The following TNFRSF10B variants were observed in gnomAD, a reference collection of about 807,000 sequenced individuals.
The protein encoded by TNFRSF10B is TNF receptor superfamily member 10b, also known as tumor necrosis factor receptor superfamily member 10B.
A neutral mutation model predicts 41.4 loss-of-function variants in TNFRSF10B; 35 were observed. That is an observed-to-expected ratio of 0.85 (90% confidence interval 0.65 to 1.12). TNFRSF10B has a LOEUF of 1.12. Among genes scored for constraint, TNFRSF10B ranks in the 50% most tolerant of loss-of-function variants. The pLI is 0.00. For missense variants in TNFRSF10B, 584 were observed against 552.7 expected, an observed-to-expected ratio of 1.06 and a Z score of -0.57; for synonymous variants, 230 against 215.5, an observed-to-expected ratio of 1.07 and a Z score of -0.59.
At chr8:23,032,723 G>A (rs1811917420) in intron 2 of TNFRSF10B, among the ~76,000 whole-genome samples, 1 of 152,134 alleles carries the variant, frequency 6.6e-6, no homozygotes, top group Non-Finnish European at 1.5e-5. Flanking sequence ...AAGTTTTGCA[G>A]TAGCAAAGAA....
intron 1 of TNFRSF10B, among the ~76,000 whole-genome samples, chr8:23,055,983 C>T (rs964176513): frequency 1.3e-5 from 2 of 152,176 alleles, no homozygotes; most frequent in African/African-American, 2.4e-5. Context: ...ATTTCCAGGC[C>T]TTCTCCCTGT....
intron 2 of TNFRSF10B, among the ~76,000 whole-genome samples, chr8:23,036,818 G>A (rs576556578): frequency 7.7e-4 from 118 of 152,322 alleles, no homozygotes; most frequent in East Asian, 2.3e-3. Context: ...ACTCTAGCCC[G>A]GGCAACAATA....
chr8:23,027,392 T>G, intron 6 of TNFRSF10B, 104 bp from the exon 7 acceptor site: 2 of 1,434,592 alleles, frequency 1.4e-6, no homozygotes, highest in Non-Finnish European at 1.9e-6. Flanking sequence ...CCCCACCCCC[T>G]CTCAGTGAGG....
At chr8:23,054,441 C>T (rs1194286472) in intron 1 of TNFRSF10B, among the ~76,000 whole-genome samples, 1 of 152,204 alleles carries the variant, frequency 6.6e-6, no homozygotes, top group Non-Finnish European at 1.5e-5. Context: ...ACCTGATTTT[C>T]TCCAGAATTT....
chr8:23,056,945 C>A (rs771826190), intron 1 of TNFRSF10B, among the ~76,000 whole-genome samples: 23 of 151,798 alleles, frequency 1.5e-4, no homozygotes, highest in Non-Finnish European at 3.4e-4. Context: ...AGTGAGGGTA[C>A]CATCTTCACT....
chr8:23,032,324 G>A (rs1018708677), intron 2 of TNFRSF10B, among the ~76,000 whole-genome samples: 3 of 152,166 alleles, frequency 2.0e-5, no homozygotes, highest in African/African-American at 7.2e-5. Context: ...AATGGGAAAA[G>A]CCTTCAAAAT....
chr8:23,031,673 G>T (rs962784901), intron 2 of TNFRSF10B, among the ~76,000 whole-genome samples: 1 of 151,976 alleles, frequency 6.6e-6, no homozygotes, highest in African/African-American at 2.4e-5. Flanking sequence ...AGGAATACAG[G>T]TGTCAGCCAC....
At chr8:23,068,660 C>T in intron 1 of TNFRSF10B, 91 bp downstream of exon 1, 2 of 1,492,626 alleles carry the variant, frequency 1.3e-6, no homozygotes, top group South Asian at 2.5e-5. Flanking sequence ...GCGACCCGGG[C>T]CACGCACCCC....
chr8:23,022,712 A>C lies in TNFRSF10B; in HGVS notation c.1282T>G (p.Phe428Val). The change falls in exon 9 of 9, where the codon TTC (phenylalanine) becomes GTC (valine). Residue 428 changes from phenylalanine (F) to valine (V), a missense_variant. Coordinates refer to ENST00000276431, the MANE Select transcript of TNFRSF10B (RefSeq NM_003842.5). ...IEDHLLSSGK[F>V]MYLEGNADSA... is the part of the protein sequence containing the mutation. ...TCTGCATTACCTTCTAGATACATGA[A>C]CTTTCCAGAGCTCAACAAGTGGTCC... The C allele has an allele frequency of 6.2e-7, 1 of 1,613,928 alleles. No homozygotes were observed.
intron 1 of TNFRSF10B, among the ~76,000 whole-genome samples, chr8:23,045,512 C>T (rs1052976855): frequency 2.0e-5 from 3 of 152,146 alleles, no homozygotes; most frequent in Non-Finnish European, 4.4e-5. Flanking sequence ...AACATTTAAA[C>T]AAGAACTAAA....
At chr8:23,042,324 A>C (rs1812225981) in intron 2 of TNFRSF10B, among the ~76,000 whole-genome samples, 1 of 152,232 alleles carries the variant, frequency 6.6e-6, no homozygotes, top group Non-Finnish European at 1.5e-5. Context: ...GCAACTTTGT[A>C]AATGGATTTT....
In TNFRSF10B at chr8:23,029,516, T is replaced by C. The variant is rs536451040; in HGVS notation, c.476+94A>G. Reference sequence around the variant, plus strand: ...CAGCCACAGCCTCAAGGATGCCCCTTGCGGGTGCTGTCAGGGGAGAGACAG... The same window carrying C: ...CAGCCACAGCCTCAAGGATGCCCCTCGCGGGTGCTGTCAGGGGAGAGACAG... On this transcript the variant is annotated intron_variant, in intron 4 of 8. Transcript: ENST00000276431. 2.2e-4 allele frequency: 272 copies of C among 1,248,060 alleles called. 3 individuals are homozygous for C. In the South Asian group the frequency reaches 3.4e-3, roughly 15 times the overall value. The allele number at this position is 1,248,060 out of a possible 1,614,324, so 77.3% of individuals were successfully genotyped here. A position where few individuals can be genotyped will look rare whatever the true frequency, so the allele number is the denominator to read the frequency against.
intron 1 of TNFRSF10B, among the ~76,000 whole-genome samples, chr8:23,058,629 G>C (rs1812738194): frequency 6.6e-6 from 1 of 151,996 alleles, no homozygotes. Flanking sequence ...GGGACTACAG[G>C]CATGCATCAC....
At chr8:23,037,040 T>C (rs1480506212) in intron 2 of TNFRSF10B, among the ~76,000 whole-genome samples, 5 of 152,152 alleles carry the variant, frequency 3.3e-5, no homozygotes, top group African/African-American at 1.2e-4. Context: ...TGGATAGACC[T>C]TTCTCAATGG....
chr8:23,062,376 G>A (rs558534664), intron 1 of TNFRSF10B, among the ~76,000 whole-genome samples: 12 of 151,934 alleles, frequency 7.9e-5, no homozygotes, highest in Non-Finnish European at 1.5e-4. Context: ...GTGCTCCCCC[G>A]GGCCAGGCTG....
At chr8:23,053,639 C>T (rs894859894) in intron 1 of TNFRSF10B, among the ~76,000 whole-genome samples, 2 of 152,140 alleles carry the variant, frequency 1.3e-5, no homozygotes, top group Non-Finnish European at 2.9e-5. Flanking sequence ...GAGCACTAAC[C>T]TTCTGTTTAA....
Position 23,021,336 on chromosome 8 carries a change from C to T in TNFRSF10B, c.*1335G>A, listed in dbSNP as rs1190563105. 4.4e-6 allele frequency: 2 copies of T among 454,070 alleles called. No homozygotes were observed. Among genetic ancestry groups the T allele is most frequent in the Non-Finnish European group, 8.8e-6 (2 of 226,784 alleles). 28.1% of individuals were successfully genotyped at this position (454,070 alleles called of 1,614,324 possible). A position where few individuals can be genotyped will look rare whatever the true frequency, so the allele number is the denominator to read the frequency against. ...AAGGTCCTCAAGTAGGCAATCTGTA[C>T]CCTAAAAGGCAGCTCATGGGCTCAG... is the stretch of plus-strand genomic sequence containing the variant. On this transcript the variant is annotated 3_prime_UTR_variant, in exon 9 of 9. Coordinates refer to ENST00000276431, the MANE Select transcript of TNFRSF10B (RefSeq NM_003842.5).
rs529428801 is a variant in TNFRSF10B, at chr8:23,053,623, C to T, written c.145-10380G>A. ...ATTAAAATAAAAGCACAATGGGTTT[C>T]TCTTAGAGCACTAACCTTCTGTTTA... On this transcript the variant is annotated intron_variant, in intron 1 of 8. Coordinates refer to ENST00000276431, the MANE Select transcript of TNFRSF10B (RefSeq NM_003842.5). Among the ~76,000 whole-genome samples the T allele has an allele frequency of 1.3e-3, 197 of 152,270 alleles. 2 individuals are homozygous for T. Among genetic ancestry groups the T allele is most frequent in the African/African-American group, 4.6e-3 (193 of 41,574 alleles).
intron 7 of TNFRSF10B, among the ~76,000 whole-genome samples, chr8:23,026,758 G>A (rs1231976230): frequency 1.3e-5 from 2 of 152,226 alleles, no homozygotes; most frequent in African/African-American, 4.8e-5. Flanking sequence ...TATGTTCAAT[G>A]TAATAACAAT....
Sources: gnomAD v4.1 joint callset for allele counts (sites outside exome capture counted in the v4.1 genomes callset) on GRCh38, gnomAD v4.1.1 for gene constraint, MANE v1.5 for transcripts, NCBI Gene and HGNC (gene_info 2026-07-23, HGNC 2026-07-21) for gene names.